Variants in SHANK2 observed in about 807,000 individuals in gnomAD.
The protein encoded by SHANK2 is SH3 and multiple ankyrin repeat domains protein 2.
In SHANK2, 43 loss-of-function variants were observed where a neutral mutation model predicts 133.7. That is an observed-to-expected ratio of 0.32 (90% confidence interval 0.25 to 0.41). The LOEUF (loss-of-function observed/expected upper bound fraction) is 0.41. Ranked by LOEUF, SHANK2 falls within the 10% of genes least tolerant of loss-of-function variation. SHANK2 has a pLI of 1.00. For synonymous variants in SHANK2, 1,017 were observed against 952.8 expected (o/e 1.07, Z -1.24); for missense variants, 1,994 against 2,235.8 (o/e 0.89, Z 2.18).
chr11:71,151,644 T>A (rs75299502), intron 2 of SHANK2, among the ~76,000 whole-genome samples: 9,769 of 152,164 alleles, frequency 0.064, 676 homozygotes, highest in African/African-American at 0.17. Flanking sequence ...AAGCCTAGTG[T>A]GGTAGCGAGG....
chr11:70,877,877 TGAATAGTCAGC>T (rs781378952), intron 11 of SHANK2, among the ~76,000 whole-genome samples: 1 of 152,208 alleles, frequency 6.6e-6, no homozygotes, highest in Non-Finnish European at 1.5e-5. Context: ...AGAACAGGTC[TGAATAGTCAGC>T]AATTGACTCA....
At chr11:71,136,348 T>C (rs1210986574) in intron 3 of SHANK2, among the ~76,000 whole-genome samples, 2 of 152,146 alleles carry the variant, frequency 1.3e-5, no homozygotes, top group African/African-American at 4.8e-5. Flanking sequence ...GCAACAGGGA[T>C]GGAACTGGAG....
chr11:70,588,910 C>T lies in SHANK2; in HGVS notation c.2061+70918G>A, dbSNP rs201819572. Among the ~76,000 whole-genome samples the T allele has an allele frequency of 1.0e-3, 157 of 152,320 alleles. 1 individual carries two copies. The highest frequency in any genetic ancestry group is 6.1e-3 in the Admixed American group (94 of 15,306). The stretch of plus-strand genomic sequence containing the variant: ...TCAGCTCACTGCAAGCTCCGCCTCC[C>T]GGGTTCATGCCATTCTCCTGCCTCA... On this transcript the variant is annotated intron_variant, in intron 17 of 25. Transcript: ENST00000601538.
chr11:71,179,165 G>A (rs894835265), intron 2 of SHANK2, among the ~76,000 whole-genome samples: 2 of 152,076 alleles, frequency 1.3e-5, no homozygotes, highest in Non-Finnish European at 2.9e-5. Context: ...CATGAACACA[G>A]ATGCAAAAAG....
At chr11:70,515,875 C>T (rs1418805461) in intron 17 of SHANK2, among the ~76,000 whole-genome samples, 8 of 152,096 alleles carry the variant, frequency 5.3e-5, no homozygotes, top group Admixed American at 2.6e-4. Flanking sequence ...ATTTTGTTCT[C>T]TGATCATTTC....
chr11:70,729,784 C>T (rs1946247546), intron 14 of SHANK2, among the ~76,000 whole-genome samples: 1 of 151,540 alleles, frequency 6.6e-6, no homozygotes, highest in African/African-American at 2.4e-5. Context: ...CTGCCTGCCT[C>T]AGCCTCCCAA....
At chr11:70,607,249 G>C (rs2060590777) in intron 17 of SHANK2, among the ~76,000 whole-genome samples, 2 of 152,232 alleles carry the variant, frequency 1.3e-5, no homozygotes. Context: ...CTAGGTCCTA[G>C]GGGAATTTTA....
intron 9 of SHANK2, among the ~76,000 whole-genome samples, chr11:71,066,038 G>T (rs1951053063): frequency 2.0e-5 from 1 of 49,022 alleles, no homozygotes; most frequent in Admixed American, 2.1e-4. Context: ...GGGGAAGTTG[G>T]GGGAGGGTAC....
chr11:70,530,585 C>T (rs1413267079), intron 17 of SHANK2, among the ~76,000 whole-genome samples: 7 of 152,180 alleles, frequency 4.6e-5, no homozygotes, highest in East Asian at 3.9e-4. Flanking sequence ...CATACTACAA[C>T]GTGGATGAGC....
At position 71,249,486 on chromosome 11, in the gene SHANK2, G is replaced by A. The variant is rs578249390; in HGVS notation, c.-113+2939C>T. ...AGCCACACCCTCCCTGCTGCCCCAA[G>A]GAGGGGCCCTCAGACTCCAGGTACA... On this transcript the variant is annotated intron_variant, in intron 1 of 25. Coordinates refer to ENST00000601538, the MANE Select transcript of SHANK2 (RefSeq NM_012309.5). Among the ~76,000 whole-genome samples the A allele has an allele frequency of 9.8e-5, 15 of 152,294 alleles. No individual in the cohort carries two copies. In the South Asian group the frequency reaches 2.9e-3, roughly 29 times the overall value.
chr11:70,527,580 GTCA>G (rs1229510227), intron 17 of SHANK2, among the ~76,000 whole-genome samples: 1 of 152,214 alleles, frequency 6.6e-6, no homozygotes, highest in Non-Finnish European at 1.5e-5. Flanking sequence ...CACTGATGGT[GTCA>G]TCAGCCAGCT....
intron 17 of SHANK2, among the ~76,000 whole-genome samples, chr11:70,588,053 T>C (rs73523806): frequency 0.1 from 15,320 of 152,198 alleles, 1,499 homozygotes; most frequent in African/African-American, 0.26. Context: ...TGCCATGAAC[T>C]GTACCCATAT....
intron 14 of SHANK2, among the ~76,000 whole-genome samples, chr11:70,787,471 T>C (rs1484105036): frequency 7.7e-4 from 48 of 62,222 alleles, no homozygotes; most frequent in South Asian, 1.5e-3. Flanking sequence ...GGATCACCAC[T>C]ATCATCACCG....
At chr11:70,771,568 G>A (rs1045281122) in intron 14 of SHANK2, among the ~76,000 whole-genome samples, 1 of 152,124 alleles carries the variant, frequency 6.6e-6, no homozygotes, top group East Asian at 1.9e-4. Flanking sequence ...TCGGACGATG[G>A]CTCCAGGGGA....
intron 21 of SHANK2, chr11:70,496,989 C>A (rs1555157280): frequency 2.2e-6 from 1 of 456,730 alleles, no homozygotes; most frequent in East Asian, 6.9e-5. Flanking sequence ...TGTTTTAAAC[C>A]TTTCCCTTCC....
At chr11:70,621,399 G>T (rs1197125085) in intron 17 of SHANK2, among the ~76,000 whole-genome samples, 5 of 152,348 alleles carry the variant, frequency 3.3e-5, no homozygotes, top group African/African-American at 1.2e-4. Flanking sequence ...GCACTGCATG[G>T]CTATTGCTTA....
At position 70,903,640 on chromosome 11, in the gene SHANK2, G is replaced by A. The variant is rs76157322; in HGVS notation, c.1108-7073C>T. ...CTTGTCCACGAGGGGCTGGGGTCCC[G>A]GGGCTCGAGGTTGGTTCAGACCCCT... On this transcript the variant is annotated intron_variant, in intron 10 of 25. Transcript: ENST00000601538. Among the ~76,000 whole-genome samples, 322 of 152,176 alleles carry A rather than the reference G, an allele frequency of 2.1e-3. 1 individual carries two copies. Among genetic ancestry groups the A allele is most frequent in the African/African-American group, 7.5e-3 (311 of 41,528 alleles).
At chr11:70,528,818 C>T (rs1236604632) in intron 17 of SHANK2, among the ~76,000 whole-genome samples, 1 of 152,106 alleles carries the variant, frequency 6.6e-6, no homozygotes, top group Non-Finnish European at 1.5e-5. Context: ...AGCCGGCGAG[C>T]TGGGAGAAGC....
At chr11:71,138,553 A>C (rs1952492180) in intron 3 of SHANK2, among the ~76,000 whole-genome samples, 1 of 152,056 alleles carries the variant, frequency 6.6e-6, no homozygotes, top group Non-Finnish European at 1.5e-5. Flanking sequence ...GCGGTGGTTC[A>C]CGCCTGTAAT....
Sources: gnomAD v4.1 joint callset for allele counts (sites outside exome capture counted in the v4.1 genomes callset) on GRCh38, gnomAD v4.1.1 for gene constraint, MANE v1.5 for transcripts, NCBI Gene and HGNC (gene_info 2026-07-23, HGNC 2026-07-21) for gene names.